Variants in CDK5RAP2 observed in about 807,000 individuals in gnomAD.
CDK5RAP2 encodes the protein CDK5 regulatory subunit associated protein 2.
A neutral mutation model predicts 232.9 loss-of-function variants in CDK5RAP2; 147 were observed. That is an observed-to-expected ratio of 0.63 (90% CI 0.55 to 0.72). The LOEUF is 0.72. CDK5RAP2 is among the 30% of genes least tolerant of loss of function. CDK5RAP2 has a pLI of 0.00. For missense variants in CDK5RAP2, 2,195 were observed against 2,231.5 expected, an observed-to-expected ratio of 0.98 and a Z score of 0.33; for synonymous variants, 833 against 833.7, an observed-to-expected ratio of 1.00 and a Z score of 0.01.
intron 1 of CDK5RAP2, among the ~76,000 whole-genome samples, chr9:120,573,251 C>CA (rs915633639): frequency 6.6e-6 from 1 of 151,978 alleles, no homozygotes; most frequent in Non-Finnish European, 1.5e-5. Flanking sequence ...AAAATGATCA[C>CA]AAAAAAATGT....
At chr9:120,489,492 A>G (rs902226655) in intron 13 of CDK5RAP2, among the ~76,000 whole-genome samples, 1 of 152,062 alleles carries the variant, frequency 6.6e-6, no homozygotes, top group Non-Finnish European at 1.5e-5. Context: ...GACCTCTTGT[A>G]TCAAGCCTCT....
At chr9:120,457,186 A>G in intron 20 of CDK5RAP2, among the ~76,000 whole-genome samples, 1 of 152,184 alleles carries the variant, frequency 6.6e-6, no homozygotes, top group East Asian at 1.9e-4. Context: ...GGATCCCCCA[A>G]CCAAGTGTCA....
Position 120,529,972 on chromosome 9 carries a change from C to G in CDK5RAP2, c.825+6G>C, listed in dbSNP as rs776732929. On this transcript the variant is annotated splice_donor_region_variant and intron_variant, in intron 8 of 37. Coordinates refer to ENST00000349780, the MANE Select transcript of CDK5RAP2 (RefSeq NM_018249.6). Reference sequence around the variant, plus strand: ...AAAGCCCCCTCTTCATGTCCTGTCACCTCACCTCAGTTTCTCTCTCCTTTT... The same window carrying G: ...AAAGCCCCCTCTTCATGTCCTGTCAGCTCACCTCAGTTTCTCTCTCCTTTT... 9.9e-6 allele frequency: 16 copies of G among 1,613,602 alleles called. No homozygotes were observed. The South Asian group carries it at 1.8e-4, about 18-fold the overall frequency.
At chr9:120,394,394 A>G (rs2032274344) in intron 36 of CDK5RAP2, 118 bp downstream of exon 36, 2 of 1,488,330 alleles carry the variant, frequency 1.3e-6, no homozygotes, top group Non-Finnish European at 1.8e-6. Flanking sequence ...AGAAGCCCAC[A>G]GATAGGAGGC....
Position 120,403,173 on chromosome 9 carries a change from C to A in CDK5RAP2, c.5042-102G>T. 7.9e-7 allele frequency: 1 copy of A among 1,264,964 alleles called. No homozygotes were observed. The allele number at this position is 1,264,964 out of a possible 1,614,324, so 78.4% of individuals were successfully genotyped here. The stretch of plus-strand genomic sequence containing the variant: ...AGCTAGGAGGGCTAGAAGAGGCCCT[C>A]GTGCCCAAATGCCACCCAACACAAG... On this transcript the variant is annotated intron_variant, in intron 33 of 37. Coordinates refer to ENST00000349780, the MANE Select transcript of CDK5RAP2 (RefSeq NM_018249.6). This position sits in a 1 kb window ranked among gnomAD's most constrained non-coding sequence, Gnocchi z 4.2.
chr9:120,507,087 T>C (rs759100938), intron 12 of CDK5RAP2, among the ~76,000 whole-genome samples: 1 of 152,178 alleles, frequency 6.6e-6, no homozygotes, highest in Non-Finnish European at 1.5e-5. Flanking sequence ...GCCATTAACA[T>C]TGAGGCAAGA....
At chr9:120,525,682 T>C (rs950153563) in intron 10 of CDK5RAP2, among the ~76,000 whole-genome samples, 1 of 152,096 alleles carries the variant, frequency 6.6e-6, no homozygotes, top group Non-Finnish European at 1.5e-5. Flanking sequence ...CAGTGGCTGA[T>C]AACAGCTCAC....
intron 29 of CDK5RAP2, 61 bp downstream of exon 29, chr9:120,411,297 T>C: frequency 9.7e-7 from 1 of 1,029,000 alleles, no homozygotes; most frequent in Non-Finnish European, 1.5e-6. Context: ...ATGCCTGCAT[T>C]CTTTCCATGA....
chr9:120,456,798 A>C (rs2036803226), intron 20 of CDK5RAP2, among the ~76,000 whole-genome samples: 1 of 152,244 alleles, frequency 6.6e-6, no homozygotes. Flanking sequence ...AAACTGAGGA[A>C]AAATACTTTA....
intron 20 of CDK5RAP2, among the ~76,000 whole-genome samples, chr9:120,458,170 C>G (rs1317981637): frequency 6.6e-6 from 1 of 152,196 alleles, no homozygotes; most frequent in Non-Finnish European, 1.5e-5. Context: ...TCGCTGACAG[C>G]AAGGCAGTCC....
intron 27 of CDK5RAP2, among the ~76,000 whole-genome samples, chr9:120,417,320 C>T (rs1259089953): frequency 6.6e-6 from 1 of 151,510 alleles, no homozygotes; most frequent in African/African-American, 2.4e-5. Flanking sequence ...AGCACTGCAC[C>T]TCCCCACTCC....
chr9:120,520,914 CAT>C (rs1242682948), intron 11 of CDK5RAP2, among the ~76,000 whole-genome samples: 2 of 150,366 alleles, frequency 1.3e-5, no homozygotes, highest in Non-Finnish European at 3.0e-5. Context: ...TCATATATCT[CAT>C]ATGAGCTGTA....
Position 120,536,432 on chromosome 9 carries a change from T to G in CDK5RAP2, c.602A>C (p.Glu201Ala). The G allele has an allele frequency of 6.2e-7, 1 of 1,614,216 alleles. No homozygotes were observed. Residue 201 changes from glutamate (E) to alanine (A), a missense_variant, in exon 7 of 38, where the codon GAG (glutamate) becomes GCG (alanine). Glu to Ala is a moderately radical substitution (Grantham distance 107). Coordinates refer to ENST00000349780, the MANE Select transcript of CDK5RAP2 (RefSeq NM_018249.6). ...GTCCCCCTCGTGCATCTTCTTCATC[T>G]CTGAAAGCTTGCTTTCCAAACGCAA... ...LRLRLESKLS[E>A]MKKMHEGDLA... is the part of the protein sequence containing the mutation.
At position 120,491,374 on chromosome 9, in the gene CDK5RAP2, A is replaced by C. The variant is rs2038897818; in HGVS notation, c.1415T>G (p.Leu472Trp). 1 of 1,613,188 alleles carries C rather than the reference A, an allele frequency of 6.2e-7. No homozygotes were observed. The highest frequency in any genetic ancestry group is 1.1e-5 in the South Asian group (1 of 91,038). The change falls in exon 13 of 38, where the codon TTG (leucine) becomes TGG (tryptophan). Residue 472 changes from leucine (L) to tryptophan (W), a missense_variant. Physicochemically the swap from Leu to Trp is moderately conservative, Grantham distance 61. Coordinates refer to ENST00000349780, the MANE Select transcript of CDK5RAP2 (RefSeq NM_018249.6). ...TTTGATCACTTGCTCTTGATTGTGCAATTTTTTATTGCTTTCACTCAGAAG... is the reference window on the plus strand; with the variant it reads ...TTTGATCACTTGCTCTTGATTGTGCCATTTTTTATTGCTTTCACTCAGAAG... The part of the protein sequence containing the change: ...KSLLSESNKK[L>W]HNQEQVIKHL...
At chr9:120,551,533 C>T (rs542714981) in intron 3 of CDK5RAP2, among the ~76,000 whole-genome samples, 7 of 152,166 alleles carry the variant, frequency 4.6e-5, no homozygotes, top group African/African-American at 1.4e-4. Flanking sequence ...ATAATTCCAT[C>T]CAAAGTGCTT....
At chr9:120,460,067 G>A (rs1277872045) in intron 19 of CDK5RAP2, among the ~76,000 whole-genome samples, 4 of 152,148 alleles carry the variant, frequency 2.6e-5, no homozygotes, top group African/African-American at 7.2e-5. Flanking sequence ...TGACAGTAAC[G>A]TGGGTTCCAG....
chr9:120,430,713 A>G (rs1248120481), intron 25 of CDK5RAP2, among the ~76,000 whole-genome samples: 4 of 150,752 alleles, frequency 2.7e-5, no homozygotes, highest in Non-Finnish European at 6.0e-5. Flanking sequence ...GCGATTCCTC[A>G]GGGATCTAGA....
intron 12 of CDK5RAP2, among the ~76,000 whole-genome samples, chr9:120,507,230 T>C (rs948343585): frequency 1.3e-5 from 2 of 152,110 alleles, no homozygotes; most frequent in Non-Finnish European, 2.9e-5. Context: ...GGCCACAGTA[T>C]AGTGTTAACA....
chr9:120,572,155 C>G lies in CDK5RAP2; in HGVS notation c.60-114G>C, dbSNP rs560505540. ...CCATGGCCAGGAGGGATGCACACAG[C>G]TGGGCTACCTATGTGGCATGAAGCA... On this transcript the variant is annotated intron_variant, in intron 1 of 37. Coordinates refer to ENST00000349780, the MANE Select transcript of CDK5RAP2 (RefSeq NM_018249.6). 5 of 834,614 alleles carry G rather than the reference C, an allele frequency of 6.0e-6. No homozygotes were observed. The African/African-American group carries it at 8.3e-5, about 14-fold the overall frequency. 51.7% of individuals were successfully genotyped at this position (834,614 alleles called of 1,614,324 possible).
Sources: gnomAD v4.1 joint callset for allele counts (sites outside exome capture counted in the v4.1 genomes callset) on GRCh38, gnomAD v4.1.1 for gene constraint, Gnocchi (gnomAD v3.1) non-coding constraint, MANE v1.5 for transcripts, NCBI Gene and HGNC (gene_info 2026-07-23, HGNC 2026-07-21) for gene names.